The following DAGLB variants were observed in gnomAD, a reference collection of about 807,000 sequenced individuals.
The protein encoded by DAGLB is diacylglycerol lipase-beta.
DAGLB carries 66 observed loss-of-function variants against 72.1 expected under a neutral mutation model. The ratio of observed to expected loss-of-function variants is 0.92; its 90% CI spans 0.75 to 1.12. The LOEUF is 1.12. DAGLB is among the 50% of genes most tolerant of loss of function. The pLI is 0.00. For missense variants in DAGLB, 1,065 were observed against 884.9 expected (o/e 1.20, Z -2.58); for synonymous variants, 414 against 359.5 (o/e 1.15, Z -1.71).
chr7:6,446,633 T>G (rs186198340), intron 1 of DAGLB, among the ~76,000 whole-genome samples: 1 of 151,984 alleles, frequency 6.6e-6, no homozygotes, highest in African/African-American at 2.4e-5. Flanking sequence ...TGGCTTCAAG[T>G]GATCTTCCTG....
chr7:6,419,934 G>C (rs1210902041), intron 9 of DAGLB, among the ~76,000 whole-genome samples: 1 of 152,208 alleles, frequency 6.6e-6, no homozygotes, highest in Non-Finnish European at 1.5e-5. Flanking sequence ...TTGAGCCCAG[G>C]AGATTCAAGA....
At chr7:6,444,748 T>G (rs1784940846) in intron 2 of DAGLB, among the ~76,000 whole-genome samples, 4 of 151,762 alleles carry the variant, frequency 2.6e-5, no homozygotes, top group African/African-American at 9.7e-5. Flanking sequence ...CAAAGAAATG[T>G]TCCTCAAAGC....
At chr7:6,433,651 C>T (rs1784562066) in intron 4 of DAGLB, among the ~76,000 whole-genome samples, 1 of 152,100 alleles carries the variant, frequency 6.6e-6, no homozygotes, top group Non-Finnish European at 1.5e-5. Context: ...ACCAGCCTGG[C>T]CAACATGGTG....
chr7:6,410,880 ATTT>A (rs35960882), intron 13 of DAGLB, among the ~76,000 whole-genome samples: 13 of 98,188 alleles, frequency 1.3e-4, no homozygotes, highest in Non-Finnish European at 1.3e-4. Flanking sequence ...AATTTTTTGT[ATTT>A]TTTTTTTTTT....
At chr7:6,424,731 A>G in intron 8 of DAGLB, 21 bp downstream of exon 8, 1 of 1,612,744 alleles carries the variant, frequency 6.2e-7, no homozygotes, top group South Asian at 1.1e-5. Context: ...CCAGGGCTGG[A>G]AAGTCAGGTT....
chr7:6,410,386 G>A lies in DAGLB; in HGVS notation c.1570-6C>T. The A allele has an allele frequency of 6.2e-7, 1 of 1,602,424 alleles. No individual in the cohort carries two copies. The highest frequency in any genetic ancestry group is 8.5e-7 in the Non-Finnish European group (1 of 1,172,714). On this transcript the variant is annotated splice_region_variant and splice_polypyrimidine_tract_variant and intron_variant, in intron 13 of 14. Transcript: ENST00000297056. ...CCGTGCAGCAAGATCTTGTACTGAG[G>A]GCGAGACCCAATCAGTAGAATGCTG...
intron 1 of DAGLB, 133 bp from the exon 2 acceptor site, chr7:6,446,237 G>C: frequency 1.2e-6 from 1 of 808,634 alleles, no homozygotes. Flanking sequence ...GGGAGGGTGA[G>C]GTGGGCGGAT....
intron 9 of DAGLB, among the ~76,000 whole-genome samples, chr7:6,419,719 G>C (rs981864470): frequency 6.6e-6 from 1 of 152,230 alleles, no homozygotes; most frequent in Non-Finnish European, 1.5e-5. Flanking sequence ...TGCCTGAGCA[G>C]ATCCACCCAG....
intron 1 of DAGLB, among the ~76,000 whole-genome samples, chr7:6,447,356 G>C (rs1785040626): frequency 6.6e-6 from 1 of 152,194 alleles, no homozygotes; most frequent in Non-Finnish European, 1.5e-5. Flanking sequence ...CAAAGGGAAG[G>C]AAGGGCACAA....
intron 9 of DAGLB, among the ~76,000 whole-genome samples, chr7:6,418,294 A>G (rs761674886): frequency 2.1e-4 from 32 of 152,126 alleles, no homozygotes; most frequent in Non-Finnish European, 1.0e-4. Flanking sequence ...ACTTGAGCCC[A>G]GGAGTTCAAG....
At chr7:6,417,262 TA>T (rs59619113) in intron 9 of DAGLB, 1,585 of 159,286 alleles carry the variant, frequency 1.0e-2, no homozygotes, top group South Asian at 0.032. Context: ...CTGACTCTAC[TA>T]AAAAAAAAAA....
At chr7:6,443,798 C>A (rs1784911086) in intron 2 of DAGLB, among the ~76,000 whole-genome samples, 1 of 152,146 alleles carries the variant, frequency 6.6e-6, no homozygotes, top group African/African-American at 2.4e-5. Context: ...GCATGTCACA[C>A]AGCCCTGCCT....
intron 2 of DAGLB, among the ~76,000 whole-genome samples, chr7:6,439,442 T>C (rs952776553): frequency 2.0e-5 from 3 of 152,126 alleles, no homozygotes; most frequent in Non-Finnish European, 4.4e-5. Context: ...AGTAACCCTA[T>C]CATCCATCAT....
intron 13 of DAGLB, among the ~76,000 whole-genome samples, chr7:6,410,600 C>T (rs1186929146): frequency 6.6e-6 from 1 of 152,192 alleles, no homozygotes; most frequent in East Asian, 1.9e-4. Flanking sequence ...AGTGTGGGCT[C>T]TCTCTTGGGC....
intron 2 of DAGLB, among the ~76,000 whole-genome samples, chr7:6,437,506 A>G (rs1036936699): frequency 6.6e-6 from 1 of 152,044 alleles, no homozygotes; most frequent in African/African-American, 2.4e-5. Context: ...ATCATGACTC[A>G]CTGCAGCCTC....
At chr7:6,412,430 AAAATC>A (rs1463512267) in intron 13 of DAGLB, among the ~76,000 whole-genome samples, 6 of 152,300 alleles carry the variant, frequency 3.9e-5, no homozygotes, top group Middle Eastern at 3.4e-3. Flanking sequence ...GTCAGAAAGC[AAAATC>A]AAACAGTTCC....
At chr7:6,429,777 G>A (rs1309633352) in intron 6 of DAGLB, among the ~76,000 whole-genome samples, 1 of 152,000 alleles carries the variant, frequency 6.6e-6, no homozygotes, top group East Asian at 1.9e-4. Flanking sequence ...GGGCGTGGTG[G>A]CTCATGTTTG....
At chr7:6,431,004 G>A (rs185557950) in intron 5 of DAGLB, among the ~76,000 whole-genome samples, 8 of 152,154 alleles carry the variant, frequency 5.3e-5, no homozygotes, top group Admixed American at 1.3e-4. Context: ...TCGAACTCCC[G>A]ACCTCAGGTG....
At position 6,416,820 on chromosome 7, in the gene DAGLB, AAACGTT is replaced by A; in HGVS notation, c.1299+15_1299+20del. The A allele has an allele frequency of 6.2e-7, 1 of 1,614,232 alleles. No individual in the cohort carries two copies. The highest frequency in any genetic ancestry group is 8.5e-7 in the Non-Finnish European group (1 of 1,180,032). On this transcript the variant is annotated intron_variant, in intron 10 of 14. Coordinates refer to ENST00000297056, the MANE Select transcript of DAGLB (RefSeq NM_139179.4). ...ACAGCTCCAAAGAGGACAAGGAAAG[AAACGTT>A]AACTAAGATCTCACAGGAGCAATGC...
Sources: gnomAD v4.1 joint callset for allele counts (sites outside exome capture counted in the v4.1 genomes callset) on GRCh38, gnomAD v4.1.1 for gene constraint, MANE v1.5 for transcripts, NCBI Gene and HGNC (gene_info 2026-07-23, HGNC 2026-07-21) for gene names.